The following TRAF3 variants were observed in gnomAD, a reference collection of about 807,000 sequenced individuals.
TRAF3 encodes the protein TNF receptor associated factor 3.
A neutral mutation model predicts 62.3 loss-of-function variants in TRAF3; 13 were observed. The observed-to-expected ratio is 0.21, with a 90% confidence interval of 0.14 to 0.33. TRAF3 has a LOEUF of 0.33. Ranked by LOEUF, TRAF3 falls within the 10% of genes least tolerant of loss-of-function variation. The probability of loss-of-function intolerance (pLI) is 1.00; values close to 1 mark genes in which losing one functional copy is unlikely to be tolerated. For missense variants in TRAF3, 440 were observed against 741.8 expected (o/e 0.59, Z 4.73); for synonymous variants, 269 against 283.4 (o/e 0.95, Z 0.51).
chr14:102,806,755 T>G (rs1898797717), intron 1 of TRAF3, among the ~76,000 whole-genome samples: 1 of 150,762 alleles, frequency 6.6e-6, no homozygotes, highest in African/African-American at 2.4e-5. Context: ...TGGGGGGAGG[T>G]CAAGAGTGGA....
intron 2 of TRAF3, among the ~76,000 whole-genome samples, chr14:102,845,085 A>G (rs1043714654): frequency 2.0e-5 from 3 of 151,782 alleles, no homozygotes; most frequent in African/African-American, 7.3e-5. Flanking sequence ...TTTAGTAGAG[A>G]CAGGGTTTCA....
chr14:102,856,982 C>T (rs898681940), intron 2 of TRAF3, among the ~76,000 whole-genome samples: 2 of 152,158 alleles, frequency 1.3e-5, no homozygotes, highest in Non-Finnish European at 2.9e-5. Context: ...GTAAACTTAT[C>T]CTGCATTCCT....
chr14:102,907,854 G>T lies in TRAF3; in HGVS notation c.*2070G>T, dbSNP rs1393271092. 6.6e-6 allele frequency: 1 copy of T among 152,352 alleles called. No individual in the cohort carries two copies. Among genetic ancestry groups the T allele is most frequent in the Non-Finnish European group, 1.5e-5 (1 of 68,112 alleles). The allele number at this position is 152,352 out of a possible 1,614,324, so 9.4% of individuals were successfully genotyped here. A position where few individuals can be genotyped will look rare whatever the true frequency, so the allele number is the denominator to read the frequency against. ...CCGCTCTCCTGGGATTACTTTGGGGGAATGAGTATCCTTGGTTCTGCCCTG... is the reference window on the plus strand; with the variant it reads ...CCGCTCTCCTGGGATTACTTTGGGGTAATGAGTATCCTTGGTTCTGCCCTG... On this transcript the variant is annotated 3_prime_UTR_variant, in exon 12 of 12. Transcript: ENST00000392745.
intron 1 of TRAF3, among the ~76,000 whole-genome samples, chr14:102,813,149 A>G (rs1899301285): frequency 9.7e-6 from 1 of 103,380 alleles, no homozygotes; most frequent in Admixed American, 9.0e-5. Context: ...CTAATTTTGT[A>G]TTTTTAGTAG....
chr14:102,899,055 G>C (rs909874052), intron 10 of TRAF3, among the ~76,000 whole-genome samples: 1 of 152,110 alleles, frequency 6.6e-6, no homozygotes, highest in Non-Finnish European at 1.5e-5. Context: ...GGCTGCCCGC[G>C]CCTGATTCCC....
At chr14:102,861,629 A>G (rs907259821) in intron 2 of TRAF3, among the ~76,000 whole-genome samples, 5 of 152,096 alleles carry the variant, frequency 3.3e-5, no homozygotes, top group African/African-American at 1.2e-4. Context: ...TGCCAGGAAG[A>G]TGTTACCGGA....
chr14:102,851,467 G>T (rs1240164564), intron 2 of TRAF3, among the ~76,000 whole-genome samples: 1 of 152,156 alleles, frequency 6.6e-6, no homozygotes, highest in East Asian at 1.9e-4. Flanking sequence ...TCACAGGGCC[G>T]GGCGCAGTGG....
intron 2 of TRAF3, among the ~76,000 whole-genome samples, chr14:102,851,969 C>T (rs902422479): frequency 1.3e-4 from 20 of 151,194 alleles, no homozygotes; most frequent in African/African-American, 3.4e-4. Context: ...GCAGGAGGAT[C>T]GCTTCAGCCT....
Position 102,910,396 on chromosome 14 carries a change from G to GT in TRAF3, c.*4614dup, listed in dbSNP as rs1030652072. 6.6e-6 allele frequency: 1 copy of GT among 152,270 alleles called. No homozygotes were observed. Among genetic ancestry groups the GT allele is most frequent in the African/African-American group, 2.4e-5 (1 of 41,468 alleles). 9.4% of individuals were successfully genotyped at this position (152,270 alleles called of 1,614,324 possible). On this transcript the variant is annotated 3_prime_UTR_variant, in exon 12 of 12. Coordinates refer to ENST00000392745, the MANE Select transcript of TRAF3 (RefSeq NM_145725.3). ...ATCTACTTCTCAGCCCATGACCATAGTTCTGTTTTCCGTTTGCAAATCTCA... is the reference window on the plus strand; with the variant it reads ...ATCTACTTCTCAGCCCATGACCATAGTTTCTGTTTTCCGTTTGCAAATCTCA...
At chr14:102,871,497 C>T (rs1018286590) in intron 3 of TRAF3, among the ~76,000 whole-genome samples, 1 of 152,198 alleles carries the variant, frequency 6.6e-6, no homozygotes, top group African/African-American at 2.4e-5. Context: ...TGCCATTGGC[C>T]TTCCAATAGA....
intron 1 of TRAF3, among the ~76,000 whole-genome samples, chr14:102,783,358 CT>C (rs1413080067): frequency 6.6e-6 from 1 of 152,170 alleles, no homozygotes; most frequent in Non-Finnish European, 1.5e-5. Context: ...ATGTAATTTT[CT>C]TGGATGCTTT....
At chr14:102,840,337 C>G (rs531446679) in intron 2 of TRAF3, among the ~76,000 whole-genome samples, 31 of 152,276 alleles carry the variant, frequency 2.0e-4, no homozygotes, top group African/African-American at 7.2e-4. Context: ...CTCAAGTGAT[C>G]CTCCAGCCTC....
intron 2 of TRAF3, among the ~76,000 whole-genome samples, chr14:102,845,994 A>C (rs1333003460): frequency 1.6e-4 from 24 of 148,732 alleles, no homozygotes; most frequent in Admixed American, 6.0e-4. Context: ...AAAAAAAAAA[A>C]AAAAAAAAAA....
intron 2 of TRAF3, among the ~76,000 whole-genome samples, chr14:102,846,659 A>AAG (rs1472979804): frequency 6.6e-6 from 1 of 150,978 alleles, no homozygotes; most frequent in East Asian, 1.9e-4. Context: ...AAAAAAAAAA[A>AAG]AAAAAAATTT....
At chr14:102,891,157 G>C (rs1021820592) in intron 8 of TRAF3, among the ~76,000 whole-genome samples, 168 bp from the exon 9 acceptor site, 2 of 152,240 alleles carry the variant, frequency 1.3e-5, no homozygotes, top group Non-Finnish European at 2.9e-5. Context: ...GCAGTAGCCA[G>C]GTGGCCCTGA....
At chr14:102,853,763 G>C (rs8017180) in intron 2 of TRAF3, among the ~76,000 whole-genome samples, 35,363 of 151,270 alleles carry the variant, frequency 0.23, 4,597 homozygotes, top group East Asian at 0.38. Context: ...GCTTGGGCCC[G>C]GGAGGCGGAG....
At position 102,870,424 on chromosome 14, in the gene TRAF3, A is replaced by G; in HGVS notation, c.223A>G (p.Ser75Gly). ...QTECGHRFCE[S>G]CMAALLSSSS... ...CGAGTGTGGGCACCGCTTCTGCGAG[A>G]GCTGCATGGCGGCCCTGCTGAGGTA... Residue 75 changes from serine (S) to glycine (G), a missense_variant, in exon 3 of 12, where the codon AGC becomes GGC. By Grantham distance (56) the Ser-to-Gly change is moderately conservative (BLOSUM62 0). Transcript: ENST00000392745. 1.2e-6 allele frequency: 2 copies of G among 1,613,902 alleles called. No individual in the cohort carries two copies. Among genetic ancestry groups the G allele is most frequent in the Non-Finnish European group, 8.5e-7 (1 of 1,179,968 alleles).
At chr14:102,880,685 A>G (rs926500223) in intron 6 of TRAF3, among the ~76,000 whole-genome samples, 2 of 152,270 alleles carry the variant, frequency 1.3e-5, no homozygotes, top group African/African-American at 2.4e-5. Context: ...AGTATTGACA[A>G]TAGCAAAGAC....
Position 102,885,218 on chromosome 14 carries a change from C to T in TRAF3, c.571-971C>T, listed in dbSNP as rs560551548. Among the ~76,000 whole-genome samples the T allele has an allele frequency of 4.6e-5, 7 of 152,304 alleles. No individual in the cohort carries two copies. In the East Asian group the frequency reaches 5.8e-4, roughly 13 times the overall value. On this transcript the variant is annotated intron_variant, in intron 6 of 11. Transcript: ENST00000392745. ...GAGGACGAGCTTCCCTCGGGTGGGCCGCTGCCCTCCTCAGCCCTCAGACCC... is the reference window on the plus strand; with the variant it reads ...GAGGACGAGCTTCCCTCGGGTGGGCTGCTGCCCTCCTCAGCCCTCAGACCC...
Sources: gnomAD v4.1 joint callset for allele counts (sites outside exome capture counted in the v4.1 genomes callset) on GRCh38, gnomAD v4.1.1 for gene constraint, MANE v1.5 for transcripts, NCBI Gene and HGNC (gene_info 2026-07-23, HGNC 2026-07-21) for gene names.